The following DENND2A variants were observed in gnomAD, a reference collection of about 807,000 sequenced individuals.
The protein encoded by DENND2A is DENN domain-containing protein 2A.
DENND2A carries 53 observed loss-of-function variants against 105.3 expected under a neutral mutation model. The ratio of observed to expected loss-of-function variants is 0.50; its 90% CI spans 0.40 to 0.63. The LOEUF (loss-of-function observed/expected upper bound fraction) is 0.63. Among genes scored for constraint, DENND2A ranks in the 30% least tolerant of loss-of-function variants. DENND2A has a pLI of 0.00. For missense variants in DENND2A, 1,138 were observed against 1,279.6 expected, an observed-to-expected ratio of 0.89 and a Z score of 1.69; for synonymous variants, 522 against 508.4, an observed-to-expected ratio of 1.03 and a Z score of -0.36.
At chr7:140,621,805 A>G (rs1282072900) in intron 1 of DENND2A, among the ~76,000 whole-genome samples, 1 of 152,194 alleles carries the variant, frequency 6.6e-6, no homozygotes, top group Non-Finnish European at 1.5e-5. Context: ...AGTGAATGCC[A>G]CTTGTGGAAG....
intron 14 of DENND2A, among the ~76,000 whole-genome samples, chr7:140,539,967 A>C (rs1214485662): frequency 1.3e-5 from 2 of 152,258 alleles, no homozygotes; most frequent in Non-Finnish European, 2.9e-5. Context: ...AAGACAGCGG[A>C]GTCCCGGAAA....
chr7:140,529,001 A>G (rs574647672), intron 14 of DENND2A, among the ~76,000 whole-genome samples: 1 of 151,916 alleles, frequency 6.6e-6, no homozygotes, highest in Non-Finnish European at 1.5e-5. Flanking sequence ...GCTACTTAGG[A>G]GGTTGAGGTG....
chr7:140,577,599 T>C (rs1430628700), intron 5 of DENND2A, among the ~76,000 whole-genome samples: 1 of 152,046 alleles, frequency 6.6e-6, no homozygotes, highest in African/African-American at 2.4e-5. Flanking sequence ...GGTTTTGCCA[T>C]ATTGGCCAGG....
chr7:140,556,679 AATT>A (rs761217947), intron 11 of DENND2A, among the ~76,000 whole-genome samples: 8 of 152,256 alleles, frequency 5.3e-5, no homozygotes, highest in Non-Finnish European at 8.8e-5. Flanking sequence ...TGATCAACAA[AATT>A]ATTATCTCAC....
intron 1 of DENND2A, among the ~76,000 whole-genome samples, chr7:140,625,167 A>C (rs375594676): frequency 6.6e-6 from 1 of 151,738 alleles, no homozygotes; most frequent in Admixed American, 6.6e-5. Flanking sequence ...ATCTGAGGTC[A>C]GGAGTTGGAG....
At chr7:140,612,028 G>A (rs955584273) in intron 1 of DENND2A, among the ~76,000 whole-genome samples, 1 of 152,140 alleles carries the variant, frequency 6.6e-6, no homozygotes, top group Non-Finnish European at 1.5e-5. Flanking sequence ...ATCACCTGAG[G>A]TCTGGAGTTC....
At chr7:140,550,596 C>T (rs1797092019) in intron 12 of DENND2A, among the ~76,000 whole-genome samples, 1 of 152,190 alleles carries the variant, frequency 6.6e-6, no homozygotes, top group Non-Finnish European at 1.5e-5. Flanking sequence ...GCTGGGATTA[C>T]AGGTGTGAGC....
intron 1 of DENND2A, among the ~76,000 whole-genome samples, chr7:140,638,396 C>T (rs973746349): frequency 1.3e-5 from 2 of 152,160 alleles, no homozygotes; most frequent in Non-Finnish European, 2.9e-5. Flanking sequence ...ATAATCTGTG[C>T]CCAAACCAGT....
chr7:140,576,815 C>G (rs1798318932), intron 5 of DENND2A, among the ~76,000 whole-genome samples: 1 of 152,186 alleles, frequency 6.6e-6, no homozygotes, highest in East Asian at 1.9e-4. Context: ...GAGGGGCAAG[C>G]CTTCTTTGAG....
intron 1 of DENND2A, among the ~76,000 whole-genome samples, chr7:140,624,369 A>G (rs1310543535): frequency 2.0e-5 from 1 of 49,804 alleles, no homozygotes; most frequent in East Asian, 2.8e-4. Context: ...ACAACAACAC[A>G]ACAACAACAA....
At chr7:140,554,989 C>T (rs1797297956) in intron 12 of DENND2A, among the ~76,000 whole-genome samples, 1 of 152,186 alleles carries the variant, frequency 6.6e-6, no homozygotes, top group Non-Finnish European at 1.5e-5. Context: ...CGCCAAAGCT[C>T]ATATGACAAA....
intron 3 of DENND2A, among the ~76,000 whole-genome samples, chr7:140,598,050 C>T (rs1317314497): frequency 6.6e-6 from 1 of 152,028 alleles, no homozygotes; most frequent in African/African-American, 2.4e-5. Flanking sequence ...CAAGTCTAGA[C>T]CAGTCTAATT....
At position 140,602,494 on chromosome 7, in the gene DENND2A, T is replaced by C; in HGVS notation, c.-97A>G. ...CTAGGAATGGAATGGAGGACTAAAG[T>C]GGATGCCTTCGAGGGTCTTTCTCAG... is the stretch of plus-strand genomic sequence containing the variant. On this transcript the variant is annotated 5_prime_UTR_variant, in exon 3 of 20. Transcript: ENST00000496613. The C allele has an allele frequency of 7.4e-7, 1 of 1,358,098 alleles. No homozygotes were observed. The highest frequency in any genetic ancestry group is 9.7e-7 in the Non-Finnish European group (1 of 1,027,552). The allele number at this position is 1,358,098 out of a possible 1,614,324, so 84.1% of individuals were successfully genotyped here. A position where few individuals can be genotyped will look rare whatever the true frequency, so the allele number is the denominator to read the frequency against.
At chr7:140,539,533 C>T (rs1397476758) in intron 14 of DENND2A, among the ~76,000 whole-genome samples, 2 of 152,228 alleles carry the variant, frequency 1.3e-5, no homozygotes, top group Non-Finnish European at 2.9e-5. Flanking sequence ...CCCTGCCCTT[C>T]ACCCAACCCT....
chr7:140,616,524 C>T (rs1563180431), intron 1 of DENND2A, among the ~76,000 whole-genome samples: 1 of 152,036 alleles, frequency 6.6e-6, no homozygotes, highest in African/African-American at 2.4e-5. Flanking sequence ...GTGGTTGTTA[C>T]ACAACACAGT....
chr7:140,568,205 G>A lies in DENND2A; in HGVS notation c.1591+558C>T, dbSNP rs1339585759. ...TCCACCCGCCTCGGCCTCCTAAAGT[G>A]CTGGGATTACAGGCGTGAGCCACCA... On this transcript the variant is annotated intron_variant, in intron 8 of 19. Transcript: ENST00000496613. Among the ~76,000 whole-genome samples, 3 of 152,258 alleles carry A rather than the reference G, an allele frequency of 2.0e-5. No homozygotes were observed. The East Asian group carries it at 5.8e-4, about 29-fold the overall frequency.
intron 15 of DENND2A, 31 bp from the exon 16 acceptor site, chr7:140,525,823 G>C: frequency 6.3e-7 from 1 of 1,580,266 alleles, no homozygotes; most frequent in Non-Finnish European, 8.6e-7. Flanking sequence ...GACTGTTACT[G>C]TCACCAGGGC....
At chr7:140,528,514 A>T (rs1796141464) in intron 14 of DENND2A, among the ~76,000 whole-genome samples, 2 of 152,152 alleles carry the variant, frequency 1.3e-5, no homozygotes, top group Admixed American at 6.5e-5. Flanking sequence ...TCACGCCTGT[A>T]ATCCCAGCAC....
chr7:140,524,013 AG>A (rs1469037738), intron 16 of DENND2A, among the ~76,000 whole-genome samples: 1 of 152,162 alleles, frequency 6.6e-6, no homozygotes, highest in African/African-American at 2.4e-5. Context: ...GATACTCAAT[AG>A]ATGATTTCCA....
Sources: allele counts gnomAD v4.1 joint callset (sites outside exome capture counted in the v4.1 genomes callset), GRCh38; gene constraint gnomAD v4.1.1; transcripts MANE v1.5; gene names NCBI Gene and HGNC (gene_info 2026-07-23, HGNC 2026-07-21).